Variants in TBCD observed in about 807,000 individuals in gnomAD.
TBCD encodes the protein tubulin folding cofactor D.
In TBCD, 105 loss-of-function variants were observed where a neutral mutation model predicts 169.3. The ratio of observed to expected loss-of-function variants is 0.62; its 90% confidence interval spans 0.53 to 0.73. The LOEUF (loss-of-function observed/expected upper bound fraction) is 0.73. Ranked by LOEUF, TBCD falls within the 30% of genes least tolerant of loss-of-function variation. TBCD has a pLI of 0.00. For synonymous variants in TBCD, 700 were observed against 643.9 expected (o/e 1.09, Z -1.32); for missense variants, 1,444 against 1,600.1 (o/e 0.90, Z 1.66).
At chr17:82,794,949 A>G (rs777104905) in intron 7 of TBCD, among the ~76,000 whole-genome samples, 1 of 152,188 alleles carries the variant, frequency 6.6e-6, no homozygotes, top group Non-Finnish European at 1.5e-5. Flanking sequence ...CTTACTGCAG[A>G]TGGTGGCGGG....
chr17:82,910,812 C>T (rs558420605), intron 22 of TBCD, among the ~76,000 whole-genome samples: 5 of 152,316 alleles, frequency 3.3e-5, no homozygotes, highest in South Asian at 2.1e-4. Context: ...GCGATCCGCC[C>T]GCCTCGGCCT....
rs960412826 is a variant in TBCD at position 82,864,352 on chromosome 17, C to G, written c.1319-5872C>G. 1 of 152,272 alleles carries G rather than the reference C, an allele frequency of 6.6e-6. No homozygotes were observed. The highest frequency in any genetic ancestry group is 2.4e-5 in the African/African-American group (1 of 41,464). The allele number at this position is 152,272 out of a possible 1,614,324, so 9.4% of individuals were successfully genotyped here. ...CCTCATCGCCCCCATCCAGGCAGATCGAGTGCCGGCTCTCTGTGCTCTCCA... is the reference window on the plus strand; with the variant it reads ...CCTCATCGCCCCCATCCAGGCAGATGGAGTGCCGGCTCTCTGTGCTCTCCA... On this transcript the variant is annotated intron_variant, in intron 13 of 38. Transcript: ENST00000355528. This position sits in a 1 kb window ranked among gnomAD's most constrained non-coding sequence, Gnocchi z 6.3.
chr17:82,826,129 A>C (rs2052823383), intron 13 of TBCD, among the ~76,000 whole-genome samples: 1 of 152,238 alleles, frequency 6.6e-6, no homozygotes, highest in Non-Finnish European at 1.5e-5. Context: ...TCTGCAACGA[A>C]AGAAAATAAC....
intron 14 of TBCD, among the ~76,000 whole-genome samples, chr17:82,879,557 T>C (rs536704908): frequency 9.2e-5 from 14 of 152,284 alleles, no homozygotes; most frequent in African/African-American, 3.1e-4. Flanking sequence ...TGGTCTGGGA[T>C]GCAGACAAGT....
At chr17:82,912,387 G>A (rs2060709372) in intron 23 of TBCD, among the ~76,000 whole-genome samples, 1 of 151,172 alleles carries the variant, frequency 6.6e-6, no homozygotes, top group Non-Finnish European at 1.5e-5. Context: ...GTGAGGAGGA[G>A]GGAAGCGTAG....
chr17:82,865,526 T>C (rs2057107584), intron 13 of TBCD: 1 of 985,444 alleles, frequency 1.0e-6, no homozygotes, highest in East Asian at 1.1e-4. Flanking sequence ...TGTGGCGGGC[T>C]GTCTGTGCCG....
chr17:82,799,557 C>T lies in TBCD; in HGVS notation c.818-1307C>T, dbSNP rs1299512719. On this transcript the variant is annotated intron_variant, in intron 8 of 38. Transcript: ENST00000355528. ...AACATGTATAAAGAAGAGAGAATGG[C>T]GTGCACGCCCCGTGTCTCTCTCAGG... is the stretch of plus-strand genomic sequence containing the variant. 2.6e-5 allele frequency among the ~76,000 whole-genome samples: 4 copies of T among 151,584 alleles called. No homozygotes were observed. In the South Asian group the frequency reaches 6.2e-4, roughly 24 times the overall value.
At chr17:82,797,969 T>TTTTTTTTTTTTG (rs2050227464) in intron 8 of TBCD, among the ~76,000 whole-genome samples, 167 bp downstream of exon 8, 1 of 31,380 alleles carries the variant, frequency 3.2e-5, no homozygotes, top group Admixed American at 3.2e-4. Context: ...GAACTTTTTT[T>TTTTTTTTTTTTG]TTTTTTTTTT....
intron 2 of TBCD, among the ~76,000 whole-genome samples, chr17:82,761,399 C>G (rs541359034): frequency 6.6e-6 from 1 of 151,950 alleles, no homozygotes; most frequent in Non-Finnish European, 1.5e-5. Context: ...TAAAATTTAC[C>G]TACTATAAAA....
chr17:82,825,488 C>T (rs1448962299), intron 13 of TBCD, among the ~76,000 whole-genome samples: 5 of 152,082 alleles, frequency 3.3e-5, no homozygotes, highest in Admixed American at 2.0e-4. Context: ...CTCAGCACTG[C>T]GCCTGTGTTT....
Position 82,814,509 on chromosome 17 carries a change from A to G in TBCD, c.1224-331A>G, listed in dbSNP as rs7504023. Among the ~76,000 whole-genome samples the G allele has an allele frequency of 5.8e-3, 884 of 152,256 alleles. 7 individuals carry two copies. The highest frequency in any genetic ancestry group is 0.02 in the African/African-American group (831 of 41,544). ...GTTGCAGTGTGTTATTTCTTCAGCC[A>G]ACTGATTATTTGTTTTTTTATTTTG... On this transcript the variant is annotated intron_variant, in intron 12 of 38. Transcript: ENST00000355528.
chr17:82,828,989 AC>A (rs1394332137), intron 13 of TBCD, among the ~76,000 whole-genome samples: 2 of 119,442 alleles, frequency 1.7e-5, no homozygotes, highest in Non-Finnish European at 3.5e-5. Flanking sequence ...CCATATACCC[AC>A]CCCCACAATC....
At chr17:82,828,166 C>T (rs1271243878) in intron 13 of TBCD, among the ~76,000 whole-genome samples, 4 of 148,780 alleles carry the variant, frequency 2.7e-5, no homozygotes, top group South Asian at 2.2e-4. Context: ...CACACATGCA[C>T]ACCCGTACAA....
chr17:82,921,379 A>G, intron 24 of TBCD, 122 bp from the exon 25 acceptor site: 1 of 802,592 alleles, frequency 1.2e-6, no homozygotes, highest in Non-Finnish European at 2.1e-6. Context: ...GCTTTTCCAC[A>G]GATTCCTCTC....
intron 13 of TBCD, among the ~76,000 whole-genome samples, chr17:82,847,968 T>G (rs530715832): frequency 6.6e-6 from 1 of 152,276 alleles, no homozygotes; most frequent in East Asian, 1.9e-4. Context: ...CTAACTTAAT[T>G]TTTTCAGACG....
chr17:82,919,285 C>A (rs1365435338), intron 23 of TBCD, among the ~76,000 whole-genome samples: 1 of 151,972 alleles, frequency 6.6e-6, no homozygotes, highest in South Asian at 2.1e-4. Flanking sequence ...CTTTTTGTTT[C>A]CCCCCTCTTG....
rs1349345713 is a variant in TBCD, at chr17:82,781,623, A to G, written c.673A>G (p.Met225Val). 1.2e-6 allele frequency: 2 copies of G among 1,613,722 alleles called. No homozygotes were observed. Among genetic ancestry groups the G allele is most frequent in the Admixed American group, 1.7e-5 (1 of 59,996 alleles). Residue 225 changes from methionine to valine, a missense_variant, in exon 7 of 39, where the codon ATG becomes GTG. Transcript: ENST00000355528. Reference sequence around the variant, plus strand: ...ACGTCCTGATGTCAAGCAAAGCAAGATGGCTGAGTTCCTGGACTGGAGCCT... The same window carrying G: ...ACGTCCTGATGTCAAGCAAAGCAAGGTGGCTGAGTTCCTGGACTGGAGCCT... ...ITRPDVKQSK[M>V]AEFLDWSLCN...
At chr17:82,854,071 C>T (rs2056046399) in intron 13 of TBCD, among the ~76,000 whole-genome samples, 1 of 152,210 alleles carries the variant, frequency 6.6e-6, no homozygotes, top group Non-Finnish European at 1.5e-5. Flanking sequence ...TTAGCCTACC[C>T]TCCAAGTAAC....
At chr17:82,865,305 C>T (rs1433019392) in intron 13 of TBCD, among the ~76,000 whole-genome samples, 4 of 152,274 alleles carry the variant, frequency 2.6e-5, no homozygotes, top group South Asian at 2.1e-4. Flanking sequence ...TCTGCAGGGA[C>T]GGCCACGCGG....
Sources: gnomAD v4.1 joint callset for allele counts (sites outside exome capture counted in the v4.1 genomes callset) on GRCh38, gnomAD v4.1.1 for gene constraint, Gnocchi (gnomAD v3.1) non-coding constraint, MANE v1.5 for transcripts, NCBI Gene and HGNC (gene_info 2026-07-23, HGNC 2026-07-21) for gene names.